Variants in BABAM2 observed in about 807,000 individuals in gnomAD.
BABAM2 encodes BRISC and BRCA1-A complex member 2.
Under a neutral mutation model 54.7 loss-of-function variants are expected in BABAM2, and 31 were observed. The observed-to-expected ratio is 0.57, with a 90% CI of 0.43 to 0.77. The LOEUF is 0.77. Among genes scored for constraint, BABAM2 ranks in the 30% least tolerant of loss-of-function variants. BABAM2 has a pLI of 0.00. For missense variants in BABAM2, 364 were observed against 455.8 expected (o/e 0.80, Z 1.83); for synonymous variants, 167 against 162.9 (o/e 1.03, Z -0.19).
At chr2:27,890,271 C>A (rs762050106), upstream of BABAM2, 11 of 1,613,682 alleles carry the variant, frequency 6.8e-6, no homozygotes, top group African/African-American at 1.3e-4. The surrounding 1 kb of genome is among the most constrained non-coding windows in gnomAD (Gnocchi z 4.8). Flanking sequence ...CCAGGTCGGT[C>A]ATGCAGGAGC....
intron 5 of BABAM2, among the ~76,000 whole-genome samples, chr2:28,036,448 G>A (rs762139754): frequency 6.6e-6 from 1 of 152,104 alleles, no homozygotes; most frequent in African/African-American, 2.4e-5. Flanking sequence ...ATTAGATCAG[G>A]GAGGCTTAAC....
chr2:28,331,822 T>C (rs1232080895), intron 11 of BABAM2, among the ~76,000 whole-genome samples: 1 of 152,186 alleles, frequency 6.6e-6, no homozygotes, highest in Non-Finnish European at 1.5e-5. Context: ...ACTGGGCATA[T>C]ACCCAAAGGA....
At chr2:28,084,490 A>G (rs187782302) in intron 6 of BABAM2, among the ~76,000 whole-genome samples, 16 of 152,316 alleles carry the variant, frequency 1.1e-4, no homozygotes, top group Non-Finnish European at 1.8e-4. Flanking sequence ...GATGGAATCT[A>G]TGGATCAATT....
intron 6 of BABAM2, among the ~76,000 whole-genome samples, chr2:28,128,213 G>T (rs979559343): frequency 7.9e-5 from 12 of 152,132 alleles, no homozygotes; most frequent in African/African-American, 2.9e-4. Flanking sequence ...AGAAATATAG[G>T]TCCGTTCTTA....
chr2:28,035,534 G>A (rs963681081), intron 5 of BABAM2, among the ~76,000 whole-genome samples: 7 of 152,042 alleles, frequency 4.6e-5, no homozygotes, highest in South Asian at 4.1e-4. Flanking sequence ...GTAGTGTGGC[G>A]GTCAGATATG....
At chr2:28,107,939 A>C (rs1474862129) in intron 6 of BABAM2, among the ~76,000 whole-genome samples, 1 of 152,246 alleles carries the variant, frequency 6.6e-6, no homozygotes, top group East Asian at 1.9e-4. Flanking sequence ...ACAGGAGAAA[A>C]GAAAAAGAAT....
chr2:28,152,111 A>T (rs1386235293), intron 7 of BABAM2, among the ~76,000 whole-genome samples: 1 of 152,232 alleles, frequency 6.6e-6, no homozygotes, highest in Non-Finnish European at 1.5e-5. Flanking sequence ...TTAAGCTATA[A>T]CATTCTGTCT....
At chr2:28,327,610 G>A (rs536603510) in intron 11 of BABAM2, among the ~76,000 whole-genome samples, 2 of 152,290 alleles carry the variant, frequency 1.3e-5, no homozygotes, top group East Asian at 1.9e-4. Context: ...TCTCACAGGC[G>A]AGGAGGCCGA....
intron 10 of BABAM2, among the ~76,000 whole-genome samples, chr2:28,247,281 T>A (rs1682995105): frequency 6.6e-6 from 1 of 152,214 alleles, no homozygotes; most frequent in Non-Finnish European, 1.5e-5. Flanking sequence ...TGATGCTGTT[T>A]CCTGCTCCCT....
intron 6 of BABAM2, among the ~76,000 whole-genome samples, chr2:28,072,511 A>T (rs942440297): frequency 6.6e-6 from 1 of 151,286 alleles, no homozygotes; most frequent in South Asian, 2.1e-4. Flanking sequence ...TCAGCCTCCC[A>T]AGTAGCTGGG....
intron 10 of BABAM2, among the ~76,000 whole-genome samples, chr2:28,288,512 G>C (rs1280484142): frequency 6.6e-6 from 1 of 151,990 alleles, no homozygotes; most frequent in Non-Finnish European, 1.5e-5. Context: ...TTTTAGTACA[G>C]ACGGGGTTTT....
chr2:28,103,050 G>A (rs1383996429), intron 6 of BABAM2, among the ~76,000 whole-genome samples: 3 of 151,710 alleles, frequency 2.0e-5, no homozygotes, highest in African/African-American at 7.3e-5. Context: ...TTCATAAAAT[G>A]CTGAAAGTAA....
intron 7 of BABAM2, among the ~76,000 whole-genome samples, chr2:28,217,711 T>G (rs1044389082): frequency 3.3e-5 from 5 of 152,232 alleles, no homozygotes; most frequent in African/African-American, 1.2e-4. Flanking sequence ...TATATCTCCA[T>G]GCTTTTACTT....
intron 10 of BABAM2, among the ~76,000 whole-genome samples, chr2:28,275,477 G>A (rs1240780526): frequency 2.0e-5 from 3 of 152,162 alleles, no homozygotes; most frequent in African/African-American, 7.2e-5. Context: ...GGGCTGCTGA[G>A]AGCTGACAAT....
intron 7 of BABAM2, among the ~76,000 whole-genome samples, chr2:28,230,785 GTTC>G (rs904912278): frequency 2.0e-5 from 3 of 151,022 alleles, no homozygotes; most frequent in African/African-American, 4.9e-5. Flanking sequence ...TAATATTTAT[GTTC>G]TTCTGGGTTT....
chr2:28,321,593 A>C (rs970406372), intron 11 of BABAM2, among the ~76,000 whole-genome samples: 10 of 152,230 alleles, frequency 6.6e-5, no homozygotes, highest in Non-Finnish European at 1.3e-4. Flanking sequence ...GGAAAACAAC[A>C]GCCTTTAATG....
At chr2:28,300,080 C>T (rs535299599) in intron 11 of BABAM2, among the ~76,000 whole-genome samples, 24 of 152,206 alleles carry the variant, frequency 1.6e-4, no homozygotes, top group Admixed American at 4.6e-4. Flanking sequence ...CTGGGACTAT[C>T]GGCATGTGCC....
At chr2:27,943,295 C>T (rs1315446578) in intron 3 of BABAM2, among the ~76,000 whole-genome samples, 1 of 152,194 alleles carries the variant, frequency 6.6e-6, no homozygotes, top group Non-Finnish European at 1.5e-5. Context: ...ATCTCTCAGC[C>T]TGGCATTCAA....
intron 2 of BABAM2, among the ~76,000 whole-genome samples, chr2:27,901,042 CAAAAA>C (rs553293287): frequency 2.4e-3 from 202 of 83,598 alleles, no homozygotes; most frequent in Non-Finnish European, 4.3e-3. Context: ...GACTCTGTCT[CAAAAA>C]AAAAAAAAAA....
Sources: allele counts gnomAD v4.1 joint callset (sites outside exome capture counted in the v4.1 genomes callset), GRCh38; gene constraint gnomAD v4.1.1; non-coding constraint Gnocchi (gnomAD v3.1); transcripts MANE v1.5; gene names NCBI Gene and HGNC (gene_info 2026-07-23, HGNC 2026-07-21).